The following VWA3B variants were observed in gnomAD, a reference collection of about 807,000 sequenced individuals.
The protein encoded by VWA3B is von Willebrand factor A domain containing 3B, also known as von Willebrand factor A domain-containing protein 3B.
VWA3B carries 138 observed loss-of-function variants against 158.3 expected under a neutral mutation model. The observed-to-expected ratio is 0.87, with a 90% CI of 0.76 to 1.00. VWA3B has a LOEUF of 1.00. VWA3B is among the 50% of genes least tolerant of loss of function. The pLI is 0.00. For synonymous variants in VWA3B, 596 were observed against 587.3 expected (o/e 1.01, Z -0.21); for missense variants, 1,555 against 1,565.1 (o/e 0.99, Z 0.11).
chr2:98,173,439 A>G (rs1464286049), intron 8 of VWA3B, among the ~76,000 whole-genome samples: 1 of 152,234 alleles, frequency 6.6e-6, no homozygotes, highest in African/African-American at 2.4e-5. Context: ...GTATTTTCCA[A>G]TGGGCACTGA....
At chr2:98,230,279 C>A in intron 16 of VWA3B, 72 bp downstream of exon 16, 1 of 1,372,688 alleles carries the variant, frequency 7.3e-7, no homozygotes, top group Non-Finnish European at 9.5e-7. Context: ...TAAAACTAAA[C>A]CCACATAATA....
intron 22 of VWA3B, among the ~76,000 whole-genome samples, chr2:98,282,423 C>T (rs1379690179): frequency 2.7e-5 from 4 of 147,848 alleles, no homozygotes; most frequent in Non-Finnish European, 6.0e-5. Context: ...GCAGAGTAAA[C>T]ATGAATTACT....
chr2:98,275,806 T>C (rs1688488210), intron 22 of VWA3B, among the ~76,000 whole-genome samples: 1 of 152,196 alleles, frequency 6.6e-6, no homozygotes, highest in Non-Finnish European at 1.5e-5. Flanking sequence ...GCCAGAATAA[T>C]GCCAGTGGAA....
chr2:98,303,779 C>T lies in VWA3B; in HGVS notation c.3498C>T (p.Pro1166=), dbSNP rs370286887. The change falls in exon 26 of 28, where the codon CCC becomes CCT. Residue 1166 remains proline (P), a synonymous_variant. Coordinates refer to ENST00000477737, the MANE Select transcript of VWA3B (RefSeq NM_144992.5). ...YALSCSHIKS[P]PIPEDPEVED... ...TCTCTTGCTCTCATATAAAGTCACC[C>T]CCAATTCCTGAGGATCCAGAAGTGT... is the stretch of plus-strand genomic sequence containing the variant. 14 of 1,613,986 alleles carry T rather than the reference C, an allele frequency of 8.7e-6. No individual in the cohort carries two copies. The African/African-American group carries it at 1.5e-4, about 17-fold the overall frequency.
chr2:98,089,539 G>A (rs369384827), intron 1 of VWA3B, among the ~76,000 whole-genome samples: 4 of 152,046 alleles, frequency 2.6e-5, no homozygotes, highest in East Asian at 1.9e-4. Context: ...AGGGGGCTAC[G>A]TCCCGGCTCG....
At chr2:98,320,575 C>T in the VWA3B span, among the ~76,000 whole-genome samples, 1 of 152,178 alleles carries the variant, frequency 6.6e-6, no homozygotes, top group Non-Finnish European at 1.5e-5. Context: ...CAATAAAGTC[C>T]AGGCTGTGGT....
At chr2:98,294,262 C>T (rs982938436) in intron 23 of VWA3B, among the ~76,000 whole-genome samples, 1 of 143,372 alleles carries the variant, frequency 7.0e-6, no homozygotes, top group Non-Finnish European at 1.5e-5. Flanking sequence ...AGAGCATAGG[C>T]TTGATGTCAT....
intron 12 of VWA3B, chr2:98,207,481 C>T (rs1256588632): frequency 2.0e-6 from 1 of 504,642 alleles, no homozygotes; most frequent in African/African-American, 1.9e-5. Flanking sequence ...TATGGATTAA[C>T]TTTCTGAGGA....
chr2:98,090,486 T>A (rs1424817639), intron 1 of VWA3B, among the ~76,000 whole-genome samples: 2 of 151,974 alleles, frequency 1.3e-5, no homozygotes, highest in African/African-American at 4.8e-5. Flanking sequence ...GCCCTGGGAG[T>A]TAGGGTGTGC....
intron 9 of VWA3B, among the ~76,000 whole-genome samples, chr2:98,186,611 C>A (rs1232001288): frequency 2.0e-5 from 3 of 152,016 alleles, no homozygotes; most frequent in Non-Finnish European, 4.4e-5. Context: ...TCTCTTTTCT[C>A]ACATACACAC....
intron 6 of VWA3B, among the ~76,000 whole-genome samples, chr2:98,131,438 G>A (rs962603295): frequency 2.6e-5 from 4 of 152,162 alleles, no homozygotes; most frequent in African/African-American, 7.2e-5. Flanking sequence ...TTGATATGCC[G>A]ACTTCCTTTT....
At chr2:98,160,550 A>G (rs963271145) in intron 7 of VWA3B, among the ~76,000 whole-genome samples, 1 of 152,150 alleles carries the variant, frequency 6.6e-6, no homozygotes, top group African/African-American at 2.4e-5. Flanking sequence ...TTTCCTCGGA[A>G]CTTTCTCCTT....
At chr2:98,178,298 G>A (rs1680185477) in intron 8 of VWA3B, among the ~76,000 whole-genome samples, 1 of 152,144 alleles carries the variant, frequency 6.6e-6, no homozygotes, top group South Asian at 2.1e-4. Context: ...ATGCAAGGTT[G>A]GTTTAAAGTT....
intron 12 of VWA3B, among the ~76,000 whole-genome samples, chr2:98,198,015 G>GAT (rs1682205076): frequency 6.6e-6 from 1 of 151,108 alleles, no homozygotes; most frequent in Admixed American, 6.6e-5. Flanking sequence ...ATTATATATT[G>GAT]ATATATATGA....
rs1328219113 is a variant in VWA3B at position 98,212,041 on chromosome 2, G to T, written c.1836+13G>T. ...GAGACCTGATCAGGTACTTACCAGA[G>T]CTGGGAACAAAGAGGGCCTCACTGA... On this transcript the variant is annotated intron_variant, in intron 13 of 27. Coordinates refer to ENST00000477737, the MANE Select transcript of VWA3B (RefSeq NM_144992.5). 4 of 1,612,440 alleles carry T rather than the reference G, an allele frequency of 2.5e-6. 1 individual carries two copies. The South Asian group carries it at 4.4e-5, about 18-fold the overall frequency.
chr2:98,133,058 T>C (rs1675999745), intron 6 of VWA3B, among the ~76,000 whole-genome samples: 1 of 152,200 alleles, frequency 6.6e-6, no homozygotes, highest in African/African-American at 2.4e-5. Context: ...TGTCCTGCTA[T>C]TTATGGACTT....
chr2:98,186,563 C>T (rs769689163), intron 9 of VWA3B, among the ~76,000 whole-genome samples: 3 of 151,998 alleles, frequency 2.0e-5, no homozygotes, highest in South Asian at 2.1e-4. Context: ...CACCCTTTCC[C>T]GTCCCGGCCT....
chr2:98,194,117 T>G (rs1051064970), intron 11 of VWA3B, among the ~76,000 whole-genome samples: 1 of 152,200 alleles, frequency 6.6e-6, no homozygotes, highest in Non-Finnish European at 1.5e-5. Context: ...TACATATACG[T>G]GACATATATA....
intron 10 of VWA3B, 123 bp downstream of exon 10, chr2:98,188,252 A>G: frequency 1.5e-6 from 2 of 1,291,902 alleles, no homozygotes; most frequent in Non-Finnish European, 2.1e-6. Flanking sequence ...TTTATGTGAT[A>G]CAGAGTGATA....
Sources: gnomAD v4.1 joint callset for allele counts (sites outside exome capture counted in the v4.1 genomes callset) on GRCh38, gnomAD v4.1.1 for gene constraint, MANE v1.5 for transcripts, NCBI Gene and HGNC (gene_info 2026-07-23, HGNC 2026-07-21) for gene names.